The following DOCK2 variants were observed in gnomAD, a reference collection of about 807,000 sequenced individuals.
DOCK2 encodes the protein dedicator of cytokinesis 2.
Under a neutral mutation model 248.9 loss-of-function variants are expected in DOCK2, and 87 were observed. That is an observed-to-expected ratio of 0.35 (90% confidence interval 0.29 to 0.42). The LOEUF is 0.42. Among genes scored for constraint, DOCK2 ranks in the 10% least tolerant of loss-of-function variants. The probability of loss-of-function intolerance (pLI) is 1.00; values close to 1 mark genes in which losing one functional copy is unlikely to be tolerated. For synonymous variants in DOCK2, 805 were observed against 821.6 expected, an observed-to-expected ratio of 0.98 and a Z score of 0.35; for missense variants, 1,747 against 2,300.2, an observed-to-expected ratio of 0.76 and a Z score of 4.92.
intron 27 of DOCK2, chr5:169,875,403 C>T (rs1466225269): frequency 4.6e-6 from 2 of 430,456 alleles, no homozygotes; most frequent in Non-Finnish European, 9.4e-6. Context: ...TAAACCCTCA[C>T]GATGCCCTTG....
At chr5:169,737,314 A>G (rs1195932329) in intron 22 of DOCK2, among the ~76,000 whole-genome samples, 1 of 152,136 alleles carries the variant, frequency 6.6e-6, no homozygotes, top group African/African-American at 2.4e-5. Context: ...GGATAGAATG[A>G]CTGGACATTG....
chr5:169,771,415 C>T (rs995456908), intron 25 of DOCK2, among the ~76,000 whole-genome samples: 1 of 152,148 alleles, frequency 6.6e-6, no homozygotes, highest in African/African-American at 2.4e-5. Context: ...TCCTGAGTAG[C>T]TGGGATTACA....
chr5:170,069,821 C>G (rs1211347149), intron 46 of DOCK2, among the ~76,000 whole-genome samples: 1 of 152,200 alleles, frequency 6.6e-6, no homozygotes, highest in African/African-American at 2.4e-5. Context: ...TCCATTCTCT[C>G]TTTGCATCCC....
chr5:170,017,999 G>A (rs1200709087), intron 32 of DOCK2, among the ~76,000 whole-genome samples: 1 of 152,228 alleles, frequency 6.6e-6, no homozygotes, highest in Non-Finnish European at 1.5e-5. Flanking sequence ...GGTGTTTACT[G>A]ATCATCTGAT....
Position 170,047,567 on chromosome 5 carries a change from T to C in DOCK2, c.4024T>C (p.Tyr1342His). ...GAAAATCCTCAGGCCCAAACCAGAC[T>C]ACTTTGCTGTTGGATACTACGGCCA... Reference protein sequence around the residue: ...IMKILRPKPDYFAVGYYGQGF... With the variant: ...IMKILRPKPDHFAVGYYGQGF... Residue 1342 changes from tyrosine (Y) to histidine (H), a missense_variant, in exon 40 of 52, where the codon TAC (tyrosine) becomes CAC (histidine). By Grantham distance (83) the Tyr-to-His change is moderately conservative. This residue lies in a region of DOCK2 where 858 missense variants were observed against 1,183.5 expected (regional missense o/e 0.72). Coordinates refer to ENST00000520908, the MANE Select transcript of DOCK2 (RefSeq NM_004946.3). 6.2e-7 allele frequency: 1 copy of C among 1,613,944 alleles called. No homozygotes were observed. The highest frequency in any genetic ancestry group is 8.5e-7 in the Non-Finnish European group (1 of 1,179,918).
At chr5:170,015,225 A>T (rs1755475457) in intron 32 of DOCK2, among the ~76,000 whole-genome samples, 1 of 152,202 alleles carries the variant, frequency 6.6e-6, no homozygotes, top group South Asian at 2.1e-4. Flanking sequence ...GACACTGTGC[A>T]GGGCCCTTCG....
At chr5:169,820,589 A>T (rs916782071) in intron 26 of DOCK2, among the ~76,000 whole-genome samples, 2 of 152,198 alleles carry the variant, frequency 1.3e-5, no homozygotes, top group Non-Finnish European at 2.9e-5. Flanking sequence ...TAACAAACAG[A>T]ATGGACATCC....
chr5:169,674,763 T>C (rs1759240192), intron 6 of DOCK2, among the ~76,000 whole-genome samples: 1 of 152,230 alleles, frequency 6.6e-6, no homozygotes. Flanking sequence ...TGTCATTTTA[T>C]ACCTGCATTT....
intron 27 of DOCK2, among the ~76,000 whole-genome samples, chr5:169,977,332 C>T (rs892853592): frequency 2.6e-5 from 4 of 152,136 alleles, no homozygotes; most frequent in East Asian, 1.9e-4. Flanking sequence ...CACGGGTAGG[C>T]GGAGTCATCA....
intron 44 of DOCK2, among the ~76,000 whole-genome samples, chr5:170,062,449 T>C (rs997037575): frequency 3.3e-5 from 5 of 151,972 alleles, no homozygotes; most frequent in Middle Eastern, 3.2e-3. Flanking sequence ...ATTGAACCGA[T>C]ATGAAAAGCT....
At position 169,708,189 on chromosome 5, in the gene DOCK2, A is replaced by C. The variant is rs775855800; in HGVS notation, c.1404A>C (p.Ala468=). Residue 468 remains alanine, a synonymous_variant, in exon 15 of 52, where the codon GCA becomes GCC. Coordinates refer to ENST00000520908, the MANE Select transcript of DOCK2 (RefSeq NM_004946.3). ...GTCAGAATGCAATTTGCGTGGGAGC[A>C]GGGGACAAGCCCATGAATGAGTATC... ...KTLPNAICVG[A]GDKPMNEYRS... is the part of the protein sequence containing the mutation. 6.2e-7 allele frequency: 1 copy of C among 1,614,018 alleles called. No individual in the cohort carries two copies. Among genetic ancestry groups the C allele is most frequent in the South Asian group, 1.1e-5 (1 of 91,026 alleles).
chr5:169,695,672 A>C, intron 9 of DOCK2, 131 bp from the exon 10 acceptor site: 1 of 1,282,986 alleles, frequency 7.8e-7, no homozygotes, highest in Non-Finnish European at 1.1e-6. Context: ...TCCAGGACTT[A>C]TTGTATGATT....
chr5:170,044,948 C>A (rs73800276), intron 38 of DOCK2, among the ~76,000 whole-genome samples: 1 of 152,096 alleles, frequency 6.6e-6, no homozygotes, highest in Non-Finnish European at 1.5e-5. Flanking sequence ...TGCAGACCGT[C>A]CTGACCTCCT....
Position 169,836,526 on chromosome 5 carries a change from A to G in DOCK2, c.2704-4231A>G, listed in dbSNP as rs138385663. Among the ~76,000 whole-genome samples the G allele has an allele frequency of 2.0e-5, 3 of 152,324 alleles. No individual in the cohort carries two copies. In the East Asian group the frequency reaches 5.8e-4, roughly 29 times the overall value. ...GTTATATTCCTGAGAGGGTAAAAGG[A>G]CCTTCCGTGTGGTTTTTCCAAATGT... On this transcript the variant is annotated intron_variant, in intron 26 of 51. Coordinates refer to ENST00000520908, the MANE Select transcript of DOCK2 (RefSeq NM_004946.3).
chr5:169,984,951 G>A (rs139150780), intron 28 of DOCK2, among the ~76,000 whole-genome samples: 59 of 152,176 alleles, frequency 3.9e-4, no homozygotes, highest in African/African-American at 1.3e-3. Flanking sequence ...ACAGAATCTC[G>A]CTCTGTCACC....
chr5:169,692,532 G>A (rs1462407309), intron 9 of DOCK2, among the ~76,000 whole-genome samples: 1 of 151,946 alleles, frequency 6.6e-6, no homozygotes, highest in Non-Finnish European at 1.5e-5. Flanking sequence ...GTGGGGGTGG[G>A]GTGGCGGGGG....
chr5:169,674,487 C>A, intron 6 of DOCK2, 42 bp downstream of exon 6: 1 of 1,607,584 alleles, frequency 6.2e-7, no homozygotes. Flanking sequence ...CTTCCCCCAG[C>A]CATCCTCTTT....
chr5:169,893,238 G>GGCTGCTGCT (rs148410878), intron 27 of DOCK2, among the ~76,000 whole-genome samples: 39 of 151,986 alleles, frequency 2.6e-4, no homozygotes, highest in African/African-American at 2.4e-5. Flanking sequence ...CAGAGGCATT[G>GGCTGCTGCT]GCTGCTGCTG....
intron 46 of DOCK2, among the ~76,000 whole-genome samples, chr5:170,072,738 T>A (rs1451637874): frequency 6.6e-6 from 1 of 152,226 alleles, no homozygotes; most frequent in East Asian, 1.9e-4. Context: ...GATATCTCAG[T>A]TTAGTTTTAA....
Sources: allele counts gnomAD v4.1 joint callset (sites outside exome capture counted in the v4.1 genomes callset), GRCh38; gene constraint gnomAD v4.1.1; regional missense constraint gnomAD v4.1.1; transcripts MANE v1.5; gene names NCBI Gene and HGNC (gene_info 2026-07-23, HGNC 2026-07-21).